KCTD16: variants seen among roughly 807,000 people sequenced by gnomAD.
KCTD16 encodes BTB/POZ domain-containing protein KCTD16.
KCTD16 carries 13 observed loss-of-function variants against 33.2 expected under a neutral mutation model. That is an observed-to-expected ratio of 0.39 (90% CI 0.25 to 0.62). KCTD16 has a LOEUF of 0.62. Ranked by LOEUF, KCTD16 falls within the 20% of genes least tolerant of loss-of-function variation. The pLI, the probability that KCTD16 is intolerant of heterozygous loss-of-function variation, is 0.50. For synonymous variants in KCTD16, 197 were observed against 195.3 expected, an observed-to-expected ratio of 1.01 and a Z score of -0.07; for missense variants, 441 against 525.1, an observed-to-expected ratio of 0.84 and a Z score of 1.57.
At chr5:144,212,815 A>T (rs1345247352) in intron 3 of KCTD16, among the ~76,000 whole-genome samples, 3 of 152,140 alleles carry the variant, frequency 2.0e-5, no homozygotes, top group African/African-American at 7.2e-5. Context: ...TTTGAAATGT[A>T]TCCAAATGTA....
intron 3 of KCTD16, among the ~76,000 whole-genome samples, chr5:144,440,564 A>G (rs1445078067): frequency 1.3e-5 from 2 of 151,588 alleles, no homozygotes; most frequent in South Asian, 2.1e-4. Context: ...TGGTTCAGCA[A>G]CTCACACCGG....
chr5:144,359,054 G>C (rs907956163), intron 3 of KCTD16, among the ~76,000 whole-genome samples: 1 of 152,200 alleles, frequency 6.6e-6, no homozygotes, highest in Admixed American at 6.5e-5. Context: ...GGGCACTGAG[G>C]CTCAGAAGGT....
chr5:144,440,474 C>A (rs921025744), intron 3 of KCTD16, among the ~76,000 whole-genome samples: 1 of 152,122 alleles, frequency 6.6e-6, no homozygotes, highest in Non-Finnish European at 1.5e-5. Context: ...TTCTTCACAT[C>A]CTCATTAGTA....
chr5:144,363,128 G>C (rs1240770726), intron 3 of KCTD16, among the ~76,000 whole-genome samples: 1 of 152,074 alleles, frequency 6.6e-6, no homozygotes, highest in Non-Finnish European at 1.5e-5. Flanking sequence ...GATCACTTGA[G>C]GTCAGGAGTT....
intron 3 of KCTD16, among the ~76,000 whole-genome samples, chr5:144,338,381 G>A (rs1343263762): frequency 6.6e-6 from 1 of 152,294 alleles, no homozygotes; most frequent in African/African-American, 2.4e-5. Flanking sequence ...TGGTTGTGCA[G>A]CTTTGGTCAA....
intron 3 of KCTD16, among the ~76,000 whole-genome samples, chr5:144,316,938 C>A (rs931492162): frequency 2.7e-5 from 4 of 150,468 alleles, no homozygotes; most frequent in African/African-American, 9.8e-5. Context: ...AGTGATTCTC[C>A]TGTCTCAGCC....
chr5:144,274,236 C>T (rs1166840926), intron 3 of KCTD16, among the ~76,000 whole-genome samples: 2 of 150,806 alleles, frequency 1.3e-5, no homozygotes, highest in Non-Finnish European at 3.0e-5. Flanking sequence ...CCTTTTCCTT[C>T]TTCTTGTCTT....
At chr5:144,430,501 A>G (rs1357929124) in intron 3 of KCTD16, among the ~76,000 whole-genome samples, 5 of 152,124 alleles carry the variant, frequency 3.3e-5, no homozygotes, top group African/African-American at 1.2e-4. Context: ...AGGCAAGTCA[A>G]TTCACCTCTC....
intron 3 of KCTD16, among the ~76,000 whole-genome samples, chr5:144,265,903 T>C (rs1254463023): frequency 6.6e-6 from 1 of 152,212 alleles, no homozygotes; most frequent in East Asian, 1.9e-4. Context: ...ATATATCTAA[T>C]ATCAGTGCTT....
rs1754558121 is a variant in KCTD16, at chr5:144,474,750, G to A, written c.*636G>A. The stretch of plus-strand genomic sequence containing the variant: ...TCCTGCTCCCAGCAGCCCTCTCTTA[G>A]AATATTTCAGATGGATGAGCTTCTG... On this transcript the variant is annotated 3_prime_UTR_variant, in exon 4 of 4. Transcript: ENST00000512467. The A allele has an allele frequency of 6.6e-6, 1 of 152,396 alleles. No homozygotes were observed. The highest frequency in any genetic ancestry group is 2.4e-5 in the African/African-American group (1 of 41,434). The allele number at this position is 152,396 out of a possible 1,614,324, so 9.4% of individuals were successfully genotyped here.
At chr5:144,273,865 G>A (rs924975446) in intron 3 of KCTD16, among the ~76,000 whole-genome samples, 5 of 151,784 alleles carry the variant, frequency 3.3e-5, no homozygotes, top group Admixed American at 6.6e-5. Context: ...TGGTGGTGAC[G>A]GTTGCACAAC....
intron 3 of KCTD16, among the ~76,000 whole-genome samples, chr5:144,231,310 T>C (rs551591517): frequency 5.8e-4 from 89 of 152,260 alleles, no homozygotes; most frequent in African/African-American, 2.0e-3. Context: ...ATTAAAAATA[T>C]AGTGAGCACA....
intron 3 of KCTD16, among the ~76,000 whole-genome samples, chr5:144,434,839 T>C (rs1379222454): frequency 6.6e-6 from 1 of 152,144 alleles, no homozygotes; most frequent in Non-Finnish European, 1.5e-5. Flanking sequence ...GGAGACAACA[T>C]TGTGGGAGCC....
intron 3 of KCTD16, among the ~76,000 whole-genome samples, chr5:144,407,730 T>C (rs1752843986): frequency 6.6e-6 from 1 of 152,128 alleles, no homozygotes; most frequent in Admixed American, 6.5e-5. Flanking sequence ...GTGTGTGTTG[T>C]TTCCCTCCCT....
chr5:144,399,119 A>G lies in KCTD16; in HGVS notation c.833-74541A>G, dbSNP rs143786494. ...TCTATGAAGTATGACTCTTGGTACT[A>G]GAAGGAATCTGAAGATTAAAGCAAA... On this transcript the variant is annotated intron_variant, in intron 3 of 3. Coordinates refer to ENST00000512467, the MANE Select transcript of KCTD16 (RefSeq NM_020768.4). Among the ~76,000 whole-genome samples, 298 of 152,298 alleles carry G rather than the reference A, an allele frequency of 2.0e-3. 5 individuals are homozygous for G. The highest frequency in any genetic ancestry group is 0.016 in the Admixed American group (251 of 15,282).
At chr5:144,406,215 GT>G (rs1273401375) in intron 3 of KCTD16, among the ~76,000 whole-genome samples, 1 of 152,162 alleles carries the variant, frequency 6.6e-6, no homozygotes, top group Non-Finnish European at 1.5e-5. Flanking sequence ...AGCACACAGT[GT>G]TTTAGTTTGG....
chr5:144,349,254 G>A (rs568588553), intron 3 of KCTD16, among the ~76,000 whole-genome samples: 71 of 152,220 alleles, frequency 4.7e-4, no homozygotes, highest in African/African-American at 1.7e-3. Context: ...TACATGTGTG[G>A]CCTCTGTAAT....
intron 3 of KCTD16, among the ~76,000 whole-genome samples, chr5:144,346,404 C>G (rs1301303369): frequency 6.6e-6 from 1 of 152,080 alleles, no homozygotes; most frequent in Non-Finnish European, 1.5e-5. Context: ...TATGATATCT[C>G]AGTTTTTATT....
chr5:144,276,475 G>A lies in KCTD16; in HGVS notation c.832+68929G>A, dbSNP rs573158699. Among the ~76,000 whole-genome samples, 387 of 152,210 alleles carry A rather than the reference G, an allele frequency of 2.5e-3. 1 individual carries two copies. Among genetic ancestry groups the A allele is most frequent in the Non-Finnish European group, 3.9e-3 (264 of 68,016 alleles). On this transcript the variant is annotated intron_variant, in intron 3 of 3. Transcript: ENST00000512467. ...CATATTAGGGTAAAATCTTAGACATGGAATTATTATGATGCTAATTTTTAA... is the reference window on the plus strand; with the variant it reads ...CATATTAGGGTAAAATCTTAGACATAGAATTATTATGATGCTAATTTTTAA...
Sources: gnomAD v4.1 joint callset for allele counts (sites outside exome capture counted in the v4.1 genomes callset) on GRCh38, gnomAD v4.1.1 for gene constraint, MANE v1.5 for transcripts, NCBI Gene and HGNC (gene_info 2026-07-23, HGNC 2026-07-21) for gene names.